The following RGS6 variants were observed in gnomAD, a reference collection of about 807,000 sequenced individuals.
RGS6 encodes the protein regulator of G protein signaling 6.
RGS6 carries 30 observed loss-of-function variants against 78.5 expected under a neutral mutation model. The ratio of observed to expected loss-of-function variants is 0.38; its 90% CI spans 0.29 to 0.52. The LOEUF is 0.52. Among genes scored for constraint, RGS6 ranks in the 20% least tolerant of loss-of-function variants. The pLI is 0.85. For synonymous variants in RGS6, 206 were observed against 206.0 expected (o/e 1.00, Z 0.00); for missense variants, 495 against 609.7 (o/e 0.81, Z 1.98).
chr14:72,472,844 T>A (rs368333159), intron 8 of RGS6, 28 bp from the exon 9 acceptor site: 6 of 1,527,974 alleles, frequency 3.9e-6, no homozygotes, highest in Non-Finnish European at 5.4e-6. Flanking sequence ...CAGAGCTTCT[T>A]ATTTCCTTCC....
chr14:72,195,710 C>G (rs1173460515), intron 2 of RGS6, among the ~76,000 whole-genome samples: 3 of 152,216 alleles, frequency 2.0e-5, no homozygotes, highest in Non-Finnish European at 4.4e-5. Context: ...TCCTGAGCAG[C>G]AAGTGATCAA....
At chr14:72,266,206 C>A (rs2059048402) in intron 2 of RGS6, among the ~76,000 whole-genome samples, 1 of 152,170 alleles carries the variant, frequency 6.6e-6, no homozygotes, top group African/African-American at 2.4e-5. Context: ...GCTTCACATG[C>A]CTGGCGCCTT....
chr14:71,994,280 T>C (rs971273572), intron 2 of RGS6, among the ~76,000 whole-genome samples: 12 of 152,222 alleles, frequency 7.9e-5, no homozygotes, highest in African/African-American at 2.6e-4. Flanking sequence ...TAACGAAGAA[T>C]TTTTTATTTT....
At chr14:72,448,599 T>C (rs1409419784) in intron 3 of RGS6, among the ~76,000 whole-genome samples, 1 of 152,098 alleles carries the variant, frequency 6.6e-6, no homozygotes, top group Non-Finnish European at 1.5e-5. Context: ...ATTTACAACA[T>C]AGGATTAGTA....
chr14:71,922,056 CT>C, the RGS6 span, among the ~76,000 whole-genome samples: 4 of 152,352 alleles, frequency 2.6e-5, no homozygotes, highest in South Asian at 8.3e-4. Flanking sequence ...TCCCAAAGCA[CT>C]GAAATGAATA....
chr14:72,516,492 T>C (rs1413744772), intron 14 of RGS6, among the ~76,000 whole-genome samples: 1 of 152,204 alleles, frequency 6.6e-6, no homozygotes, highest in Non-Finnish European at 1.5e-5. Flanking sequence ...CAGAAGGACC[T>C]GAGCACCCAG....
At chr14:72,374,751 T>G (rs1222784025) in intron 3 of RGS6, among the ~76,000 whole-genome samples, 1 of 152,224 alleles carries the variant, frequency 6.6e-6, no homozygotes, top group Non-Finnish European at 1.5e-5. Context: ...TATATTCAGA[T>G]TATAGAATAA....
intron 2 of RGS6, among the ~76,000 whole-genome samples, chr14:72,235,717 T>C (rs6574054): frequency 0.34 from 51,899 of 152,116 alleles, 9,743 homozygotes; most frequent in South Asian, 0.47. Flanking sequence ...AGTCCAACAA[T>C]GTGCTAGTTG....
intron 2 of RGS6, among the ~76,000 whole-genome samples, chr14:72,254,435 C>T (rs1174701411): frequency 6.6e-6 from 1 of 152,062 alleles, no homozygotes; most frequent in Non-Finnish European, 1.5e-5. Flanking sequence ...TGCCTTATCC[C>T]CTTTCACATT....
At chr14:71,921,770 G>T in the RGS6 span, among the ~76,000 whole-genome samples, 1 of 152,262 alleles carries the variant, frequency 6.6e-6, no homozygotes, top group Middle Eastern at 3.4e-3. Flanking sequence ...AGATACAACG[G>T]TTTTTTAAAG....
chr14:72,473,253 C>T (rs748582912), intron 9 of RGS6, among the ~76,000 whole-genome samples: 6 of 152,194 alleles, frequency 3.9e-5, no homozygotes, highest in Admixed American at 6.5e-5. Flanking sequence ...ACCATCCTGG[C>T]TAACACGGTG....
chr14:72,000,741 C>G (rs757670999), intron 2 of RGS6, among the ~76,000 whole-genome samples: 3 of 152,054 alleles, frequency 2.0e-5, no homozygotes, highest in Non-Finnish European at 4.4e-5. Flanking sequence ...ATGTTGCATG[C>G]CACAGAAAGG....
chr14:72,253,238 G>T (rs1443080700), intron 2 of RGS6, among the ~76,000 whole-genome samples: 1 of 152,208 alleles, frequency 6.6e-6, no homozygotes, highest in Non-Finnish European at 1.5e-5. Flanking sequence ...TATTACCATA[G>T]GAAATAGTCC....
At chr14:72,324,115 A>G (rs914528780) in intron 2 of RGS6, among the ~76,000 whole-genome samples, 1 of 152,156 alleles carries the variant, frequency 6.6e-6, no homozygotes, top group African/African-American at 2.4e-5. Flanking sequence ...CTGTTGTGCT[A>G]TCAAATACTA....
At chr14:72,306,187 CA>C (rs2067201189) in intron 2 of RGS6, among the ~76,000 whole-genome samples, 1 of 152,124 alleles carries the variant, frequency 6.6e-6, no homozygotes, top group South Asian at 2.1e-4. Flanking sequence ...GATCTGTTTA[CA>C]GAAGGATTTA....
At chr14:72,355,605 A>G (rs915913427) in intron 3 of RGS6, among the ~76,000 whole-genome samples, 93 of 152,306 alleles carry the variant, frequency 6.1e-4, no homozygotes, top group African/African-American at 2.2e-3. Flanking sequence ...TTCTACCCTC[A>G]TGGAATTTAT....
chr14:72,236,966 G>A (rs1045984448), intron 2 of RGS6, among the ~76,000 whole-genome samples: 2 of 152,110 alleles, frequency 1.3e-5, no homozygotes, highest in Admixed American at 6.5e-5. Context: ...CTTTCCAGTC[G>A]ATTTCCACCC....
At chr14:72,020,223 C>G (rs1343043193) in intron 2 of RGS6, among the ~76,000 whole-genome samples, 1 of 152,212 alleles carries the variant, frequency 6.6e-6, no homozygotes, top group African/African-American at 2.4e-5. Context: ...CTTGTGAACT[C>G]TGCCAGAATC....
chr14:72,599,495 G>A, the RGS6 span, among the ~76,000 whole-genome samples: 1 of 122,428 alleles, frequency 8.2e-6, no homozygotes, highest in Non-Finnish European at 1.6e-5. Flanking sequence ...TGCAAGCTCC[G>A]CCTCCCGAGT....
Sources: gnomAD v4.1 joint callset for allele counts (sites outside exome capture counted in the v4.1 genomes callset) on GRCh38, gnomAD v4.1.1 for gene constraint, MANE v1.5 for transcripts, NCBI Gene and HGNC (gene_info 2026-07-23, HGNC 2026-07-21) for gene names.